Variants in TCF7 observed in about 807,000 individuals in gnomAD.
TCF7 encodes transcription factor 7, also known as T-cell-factor-7.
In TCF7, 19 loss-of-function variants were observed where a neutral mutation model predicts 46.8. The ratio of observed to expected loss-of-function variants is 0.41; its 90% CI spans 0.28 to 0.60. The LOEUF (loss-of-function observed/expected upper bound fraction) is 0.60, where lower values mean the gene tolerates loss of function less well. TCF7 is among the 20% of genes least tolerant of loss of function. TCF7 has a pLI of 0.35. For synonymous variants in TCF7, 245 were observed against 213.4 expected (o/e 1.15, Z -1.29); for missense variants, 547 against 504.6 (o/e 1.08, Z -0.81).
At chr5:134,139,928 G>A (rs1759486221) in intron 5 of TCF7, 1 of 152,216 alleles carries the variant, frequency 6.6e-6, no homozygotes, top group Non-Finnish European at 1.5e-5. Flanking sequence ...TAGGATCAAA[G>A]CGTGGCAAGA....
intron 9 of TCF7, 44 bp from the exon 10 acceptor site, chr5:134,146,180 G>A (rs1417969177): frequency 2.5e-6 from 4 of 1,614,062 alleles, no homozygotes; most frequent in Non-Finnish European, 2.5e-6. Flanking sequence ...GTATGACTAT[G>A]AATTCACCCT....
chr5:134,114,009 C>G (rs974066471), upstream of TCF7, among the ~76,000 whole-genome samples: 1 of 152,150 alleles, frequency 6.6e-6, no homozygotes, highest in Non-Finnish European at 1.5e-5. Context: ...GGCTGAGGTC[C>G]GGTGCTCTTG....
At chr5:134,109,820 G>A (rs959056891), upstream of TCF7, among the ~76,000 whole-genome samples, 2 of 151,626 alleles carry the variant, frequency 1.3e-5, no homozygotes, top group Non-Finnish European at 2.9e-5. Flanking sequence ...CAGCTTCCAG[G>A]TGAATTTGGG....
intron 3 of TCF7, among the ~76,000 whole-genome samples, chr5:134,130,484 A>T (rs116063447): frequency 0.016 from 2,505 of 152,338 alleles, 74 homozygotes; most frequent in African/African-American, 0.057. Context: ...ACCAGCCTGC[A>T]CTGTGCTTCC....
chr5:134,112,670 A>G (rs1437949883), upstream of TCF7, among the ~76,000 whole-genome samples: 2 of 152,260 alleles, frequency 1.3e-5, no homozygotes, highest in Non-Finnish European at 2.9e-5. Flanking sequence ...CATGAAAAAA[A>G]ACACTTGTCC....
chr5:134,114,215 G>A (rs1245197552), upstream of TCF7, among the ~76,000 whole-genome samples: 1 of 152,172 alleles, frequency 6.6e-6, no homozygotes, highest in Non-Finnish European at 1.5e-5. Flanking sequence ...CCGCAACAGC[G>A]CCGCGGAGTT....
chr5:134,146,371 A>T lies in TCF7; in HGVS notation c.*68A>T, dbSNP rs778564452. Reference sequence around the variant, plus strand: ...ATCTGCTGCCCCGCTTCCCCACAGAACTGCTTACTAGCCCTGCGGAGCCGG... The same window carrying T: ...ATCTGCTGCCCCGCTTCCCCACAGATCTGCTTACTAGCCCTGCGGAGCCGG... On this transcript the variant is annotated 3_prime_UTR_variant, in exon 10 of 10. Coordinates refer to ENST00000342854, the MANE Select transcript of TCF7 (RefSeq NM_003202.5). 4.0e-5 allele frequency: 63 copies of T among 1,581,248 alleles called. No individual in the cohort carries two copies. The highest frequency in any genetic ancestry group is 8.3e-5 in the Admixed American group (5 of 59,962).
chr5:134,115,804 C>G, intron 2 of TCF7, 105 bp from the exon 3 acceptor site: 1 of 1,561,572 alleles, frequency 6.4e-7, no homozygotes, highest in Non-Finnish European at 8.7e-7. Context: ...AAGTCAGGAA[C>G]TTGCAGGGGA....
rs1760835052 is a variant in TCF7, at chr5:134,147,436, C to G, written c.*1133C>G. The G allele has an allele frequency of 6.6e-6, 1 of 152,588 alleles. No homozygotes were observed. The highest frequency in any genetic ancestry group is 2.1e-4 in the South Asian group (1 of 4,824). 9.5% of individuals were successfully genotyped at this position (152,588 alleles called of 1,614,324 possible). A position where few individuals can be genotyped will look rare whatever the true frequency, so the allele number is the denominator to read the frequency against. ...CCTGGGCAGCTTGAGAGGGCAAACC[C>G]AAAACCTCATGACAGCCAGAGCCTG... is the stretch of plus-strand genomic sequence containing the variant. On this transcript the variant is annotated 3_prime_UTR_variant, in exon 10 of 10. Coordinates refer to ENST00000342854, the MANE Select transcript of TCF7 (RefSeq NM_003202.5).
chr5:134,125,057 G>A (rs1431000429), intron 3 of TCF7, among the ~76,000 whole-genome samples: 1 of 152,208 alleles, frequency 6.6e-6, no homozygotes, highest in Non-Finnish European at 1.5e-5. Flanking sequence ...GGAGAGGCCT[G>A]TGTGCTGGGT....
At chr5:134,140,632 G>A (rs988473683) in intron 5 of TCF7, 1 of 364,850 alleles carries the variant, frequency 2.7e-6, no homozygotes, top group South Asian at 2.0e-5. Flanking sequence ...CAAGTTTATA[G>A]AGGGAAACCG....
chr5:134,114,577 T>C (rs2149259729), upstream of TCF7: 1 of 151,750 alleles, frequency 6.6e-6, no homozygotes, highest in Non-Finnish European at 1.5e-5. Context: ...TTTAAGGCTA[T>C]GCCGAGTGGG....
At chr5:134,113,724 T>C (rs1003314288), upstream of TCF7, among the ~76,000 whole-genome samples, 2 of 152,176 alleles carry the variant, frequency 1.3e-5, no homozygotes, top group African/African-American at 4.8e-5. Context: ...CCGGGTGCCA[T>C]ACAGATGCGC....
chr5:134,143,725 C>T (rs868135300), intron 9 of TCF7, 85 bp downstream of exon 9: 29 of 1,540,752 alleles, frequency 1.9e-5, no homozygotes, highest in South Asian at 1.5e-4. Flanking sequence ...AAGGGAGGAA[C>T]GCGGTACCCA....
In TCF7 at chr5:134,146,387, G is replaced by A; in HGVS notation, c.*84G>A. The A allele has an allele frequency of 6.5e-7, 1 of 1,533,302 alleles. No individual in the cohort carries two copies. Among genetic ancestry groups the A allele is most frequent in the South Asian group, 1.1e-5 (1 of 89,510 alleles). The allele number at this position is 1,533,302 out of a possible 1,614,324, so 95.0% of individuals were successfully genotyped here. On this transcript the variant is annotated 3_prime_UTR_variant, in exon 10 of 10. Coordinates refer to ENST00000342854, the MANE Select transcript of TCF7 (RefSeq NM_003202.5). The stretch of plus-strand genomic sequence containing the variant: ...CCCCACAGAACTGCTTACTAGCCCT[G>A]CGGAGCCGGCACCTACATCCCCAGG...
At chr5:134,115,458 A>G in intron 2 of TCF7, 71 bp downstream of exon 2, 1 of 1,532,362 alleles carries the variant, frequency 6.5e-7, no homozygotes, top group African/African-American at 1.4e-5. Context: ...GGGGACGCCA[A>G]GGACCGCGGG....
Position 134,138,297 on chromosome 5 carries a change from A to G in TCF7, c.547+133A>G, listed in dbSNP as rs1759212842. The G allele has an allele frequency of 4.1e-6, 3 of 723,070 alleles. No individual in the cohort carries two copies. In the South Asian group the frequency reaches 5.9e-5, roughly 14 times the overall value. 44.8% of individuals were successfully genotyped at this position (723,070 alleles called of 1,614,324 possible). A position where few individuals can be genotyped will look rare whatever the true frequency, so the allele number is the denominator to read the frequency against. On this transcript the variant is annotated intron_variant, in intron 4 of 9. Transcript: ENST00000342854. ...GGCTGTGCAAACTAAGGGCCCAAAG[A>G]AAATACCAGAAAGATGGACTGGGGG...
intron 4 of TCF7, 148 bp downstream of exon 4, chr5:134,138,312 T>C (rs1580874732): frequency 1.8e-5 from 12 of 674,136 alleles, no homozygotes; most frequent in African/African-American, 3.7e-5. Context: ...ACCAGAAAGA[T>C]GGACTGGGGG....
At chr5:134,113,735 T>G (rs1424369629), upstream of TCF7, among the ~76,000 whole-genome samples, 2 of 152,274 alleles carry the variant, frequency 1.3e-5, no homozygotes, top group African/African-American at 4.8e-5. Context: ...ACAGATGCGC[T>G]GGAATCCAGG....
Sources: gnomAD v4.1 joint callset for allele counts (sites outside exome capture counted in the v4.1 genomes callset) on GRCh38, gnomAD v4.1.1 for gene constraint, MANE v1.5 for transcripts, NCBI Gene and HGNC (gene_info 2026-07-23, HGNC 2026-07-21) for gene names.